The following RANBP3 variants were observed in gnomAD, a reference collection of about 807,000 sequenced individuals.
RANBP3 encodes RAN binding protein 3.
RANBP3 carries 14 observed loss-of-function variants against 77.3 expected under a neutral mutation model. The ratio of observed to expected loss-of-function variants is 0.18; its 90% confidence interval spans 0.12 to 0.28. RANBP3 has a LOEUF of 0.28. Ranked by LOEUF, RANBP3 falls within the 10% of genes least tolerant of loss-of-function variation. The probability of loss-of-function intolerance (pLI) is 1.00; values close to 1 mark genes in which losing one functional copy is unlikely to be tolerated. For missense variants in RANBP3, 586 were observed against 752.3 expected (o/e 0.78, Z 2.59); for synonymous variants, 315 against 312.4 (o/e 1.01, Z -0.09).
At chr19:5,920,963 T>G (rs1411116144) in intron 14 of RANBP3, 4 of 359,126 alleles carry the variant, frequency 1.1e-5, no homozygotes, top group African/African-American at 2.1e-5. Flanking sequence ...CTTTTGTCCA[T>G]TTTGACACTA....
chr19:5,961,520 G>A (rs1008819795), intron 1 of RANBP3, among the ~76,000 whole-genome samples: 1 of 152,116 alleles, frequency 6.6e-6, no homozygotes, highest in Admixed American at 6.5e-5. Context: ...ATCACCTGAG[G>A]TCGGGAGTTC....
intron 1 of RANBP3, among the ~76,000 whole-genome samples, chr19:5,965,100 G>C (rs141533550): frequency 6.6e-6 from 1 of 152,058 alleles, no homozygotes; most frequent in East Asian, 1.9e-4. Context: ...TAGAGGAACT[G>C]TTCTCCTTGC....
intron 3 of RANBP3, among the ~76,000 whole-genome samples, chr19:5,943,149 T>A (rs1164356432): frequency 6.6e-6 from 1 of 152,204 alleles, no homozygotes; most frequent in African/African-American, 2.4e-5. Context: ...CCGCTCCTCC[T>A]GGCGCGCTCC....
chr19:5,920,180 T>G (rs551873439), intron 14 of RANBP3, among the ~76,000 whole-genome samples: 113 of 152,324 alleles, frequency 7.4e-4, no homozygotes, highest in African/African-American at 2.6e-3. Flanking sequence ...GAGGACTGTT[T>G]GATGCCAGGA....
intron 8 of RANBP3, among the ~76,000 whole-genome samples, chr19:5,930,900 G>T (rs1198140361): frequency 2.6e-5 from 4 of 152,158 alleles, no homozygotes; most frequent in Admixed American, 2.0e-4. Context: ...GACTCCCAAA[G>T]AAAAATTTTC....
At chr19:5,927,115 G>C (rs569469280) in intron 9 of RANBP3, among the ~76,000 whole-genome samples, 1 of 152,256 alleles carries the variant, frequency 6.6e-6, no homozygotes, top group South Asian at 2.1e-4. Flanking sequence ...CTCGAGCTTT[G>C]AAAGAAGCTT....
At chr19:5,923,105 G>T in intron 13 of RANBP3, 89 bp downstream of exon 13, 1 of 1,045,900 alleles carries the variant, frequency 9.6e-7, no homozygotes, top group Non-Finnish European at 1.5e-6. Flanking sequence ...GCAGGCCTGT[G>T]TGCTCAGAGG....
At chr19:5,954,274 T>A (rs192289362) in intron 2 of RANBP3, among the ~76,000 whole-genome samples, 1 of 152,100 alleles carries the variant, frequency 6.6e-6, no homozygotes, top group South Asian at 2.1e-4. Flanking sequence ...GGTCCCACAG[T>A]TGATGAGACT....
chr19:5,935,731 G>C (rs1460064486), intron 5 of RANBP3: 1 of 456,762 alleles, frequency 2.2e-6, no homozygotes, highest in Admixed American at 2.3e-5. Flanking sequence ...CAGAGCTGCA[G>C]ACAGACAAGG....
chr19:5,925,873 G>C, intron 9 of RANBP3, 136 bp from the exon 10 acceptor site: 1 of 687,194 alleles, frequency 1.5e-6, no homozygotes. Flanking sequence ...GCCTGTGTGT[G>C]TGCGCGTGCA....
intron 3 of RANBP3, among the ~76,000 whole-genome samples, chr19:5,947,429 G>C (rs932537879): frequency 2.0e-5 from 3 of 152,054 alleles, no homozygotes; most frequent in African/African-American, 7.3e-5. Flanking sequence ...CAGGACATAA[G>C]AGCCCCATTT....
chr19:5,932,917 C>G, intron 6 of RANBP3: 1 of 286,376 alleles, frequency 3.5e-6, no homozygotes, highest in Non-Finnish European at 6.6e-6. Flanking sequence ...CATTTTGCAC[C>G]TGTTTTTCAA....
At chr19:5,949,832 T>C (rs1237079164) in intron 3 of RANBP3, among the ~76,000 whole-genome samples, 1 of 152,188 alleles carries the variant, frequency 6.6e-6, no homozygotes, top group Non-Finnish European at 1.5e-5. Context: ...TGGGCCTCTG[T>C]GAGAAGTACG....
intron 1 of RANBP3, among the ~76,000 whole-genome samples, chr19:5,961,911 G>C (rs576354109): frequency 6.6e-6 from 1 of 151,810 alleles, no homozygotes; most frequent in African/African-American, 2.4e-5. Flanking sequence ...CTGGACTTCT[G>C]CTTGGTTTAG....
chr19:5,919,027 G>A (rs2145006268), intron 14 of RANBP3, among the ~76,000 whole-genome samples: 1 of 152,312 alleles, frequency 6.6e-6, no homozygotes, highest in African/African-American at 2.4e-5. Context: ...CGGGAGGCAG[G>A]GGCTGACACT....
chr19:5,958,031 A>G lies in RANBP3; in HGVS notation c.23-58T>C. 7.0e-7 allele frequency: 1 copy of G among 1,430,970 alleles called. No individual in the cohort carries two copies. The highest frequency in any genetic ancestry group is 1.4e-5 in the African/African-American group (1 of 70,904). The allele number at this position is 1,430,970 out of a possible 1,614,324, so 88.6% of individuals were successfully genotyped here. ...AACACTATATGCATACAGTAAACAA[A>G]GCTACACTTGTTTGTAATATGTTAA... On this transcript the variant is annotated intron_variant, in intron 1 of 16. Coordinates refer to ENST00000340578, the MANE Select transcript of RANBP3 (RefSeq NM_007322.3). This position sits in a 1 kb window ranked among gnomAD's most constrained non-coding sequence, Gnocchi z 4.4.
intron 2 of RANBP3, among the ~76,000 whole-genome samples, chr19:5,953,763 C>A (rs895381815): frequency 6.6e-6 from 1 of 152,196 alleles, no homozygotes. Flanking sequence ...CATGTAAACG[C>A]AGGCGTTTCG....
Position 5,933,458 on chromosome 19 carries a change from C to T in RANBP3, c.428G>A (p.Arg143Gln), listed in dbSNP as rs771487208. Residue 143 changes from arginine to glutamine, a missense_variant, in exon 6 of 17, where the codon CGG (arginine) becomes CAG (glutamine). Arg to Gln is a conservative substitution (Grantham distance 43, BLOSUM62 1). Transcript: ENST00000340578. ...GTGGATCAGCGTTGGTGGCTTCAAC[C>T]GGAAGCCACTGCTCCTTTCCTCTAA... ...SQSEERSSGF[R>Q]LKPPTLIHGQ... 7.4e-6 allele frequency: 12 copies of T among 1,613,270 alleles called. No individual in the cohort carries two copies. Among genetic ancestry groups the T allele is most frequent in the South Asian group, 3.3e-5 (3 of 90,990 alleles).
chr19:5,928,948 C>G (rs1036516228), intron 8 of RANBP3, among the ~76,000 whole-genome samples: 14 of 152,134 alleles, frequency 9.2e-5, no homozygotes, highest in African/African-American at 2.9e-4. Flanking sequence ...GCGATGTGTA[C>G]AGTGGACATG....
Sources: allele counts gnomAD v4.1 joint callset (sites outside exome capture counted in the v4.1 genomes callset), GRCh38; gene constraint gnomAD v4.1.1; non-coding constraint Gnocchi (gnomAD v3.1); transcripts MANE v1.5; gene names NCBI Gene and HGNC (gene_info 2026-07-23, HGNC 2026-07-21).